Variants in GLRA3 observed in about 807,000 individuals in gnomAD.
The protein encoded by GLRA3 is glycine receptor subunit alpha-3.
A neutral mutation model predicts 60.4 loss-of-function variants in GLRA3; 44 were observed. That is an observed-to-expected ratio of 0.73 (90% CI 0.57 to 0.94). The LOEUF (loss-of-function observed/expected upper bound fraction) is 0.94. Ranked by LOEUF, GLRA3 falls within the 40% of genes least tolerant of loss-of-function variation. GLRA3 has a pLI of 0.00. For synonymous variants in GLRA3, 223 were observed against 192.9 expected (o/e 1.16, Z -1.29); for missense variants, 508 against 564.6 (o/e 0.90, Z 1.02).
intron 4 of GLRA3, among the ~76,000 whole-genome samples, chr4:174,719,702 G>T (rs928698631): frequency 6.6e-6 from 1 of 151,682 alleles, no homozygotes; most frequent in African/African-American, 2.4e-5. Flanking sequence ...ATTGTCATCT[G>T]ATCATAGAGA....
chr4:174,724,741 A>G (rs924416185), intron 4 of GLRA3, among the ~76,000 whole-genome samples: 1 of 152,044 alleles, frequency 6.6e-6, no homozygotes, highest in Non-Finnish European at 1.5e-5. Flanking sequence ...CCTTTATCCA[A>G]GAATGTTTTG....
rs1732634906 is a variant in GLRA3, at chr4:174,641,980, A to AT, written c.*1805dup. Reference sequence around the variant, plus strand: ...CACCAAATGAAGAAGCATATGTTTAATTTTCAGGTGCACAGTCCTCAACGT... The same window carrying AT: ...CACCAAATGAAGAAGCATATGTTTAATTTTTCAGGTGCACAGTCCTCAACGT... On this transcript the variant is annotated 3_prime_UTR_variant, in exon 10 of 10. Transcript: ENST00000274093. 5.9e-6 allele frequency: 1 copy of AT among 170,348 alleles called. No individual in the cohort carries two copies. Among genetic ancestry groups the AT allele is most frequent in the South Asian group, 2.0e-4 (1 of 5,096 alleles). The allele number at this position is 170,348 out of a possible 1,614,324, so 10.6% of individuals were successfully genotyped here.
chr4:174,772,384 AT>A (rs1003234562), intron 2 of GLRA3, among the ~76,000 whole-genome samples: 1 of 152,186 alleles, frequency 6.6e-6, no homozygotes, highest in African/African-American at 2.4e-5. Context: ...CCTAAACTTT[AT>A]TCTCCACCTG....
chr4:174,822,147 C>T (rs534041716), intron 1 of GLRA3, among the ~76,000 whole-genome samples: 1 of 152,162 alleles, frequency 6.6e-6, no homozygotes, highest in South Asian at 2.1e-4. Context: ...CACAGTGATA[C>T]AGTGTTAAAA....
At chr4:174,767,065 AGACT>A in intron 2 of GLRA3, 35 bp from the exon 3 acceptor site, 2 of 1,121,446 alleles carry the variant, frequency 1.8e-6, no homozygotes, top group Non-Finnish European at 2.7e-6. Context: ...GGCTGTTTAG[AGACT>A]TATCTAAAAC....
chr4:174,782,313 T>C (rs1738914899), intron 2 of GLRA3, among the ~76,000 whole-genome samples: 1 of 151,964 alleles, frequency 6.6e-6, no homozygotes, highest in Non-Finnish European at 1.5e-5. Context: ...TCATGGGACG[T>C]ATTTCAAAAT....
Position 174,828,243 on chromosome 4 carries a change from G to A in GLRA3, c.71+498C>T, listed in dbSNP as rs541962518. On this transcript the variant is annotated intron_variant, in intron 1 of 9. Transcript: ENST00000274093. ...ACCTGAGCTAGGTCATTAGAAAATA[G>A]TACTTGCAAGGCCCTTATTTTGATT... Among the ~76,000 whole-genome samples, 42 of 152,100 alleles carry A rather than the reference G, an allele frequency of 2.8e-4. No homozygotes were observed. The Middle Eastern group carries it at 0.01, about 37-fold the overall frequency.
chr4:174,677,939 T>C (rs1734194259), intron 6 of GLRA3, among the ~76,000 whole-genome samples: 2 of 152,302 alleles, frequency 1.3e-5, no homozygotes, highest in Admixed American at 1.3e-4. Context: ...ATAAAGATCT[T>C]CTTTACTCAT....
chr4:174,664,896 G>T (rs1733594364), intron 7 of GLRA3, among the ~76,000 whole-genome samples: 1 of 152,100 alleles, frequency 6.6e-6, no homozygotes, highest in African/African-American at 2.4e-5. Flanking sequence ...TCTGTTGTTA[G>T]GTGTTACAGG....
intron 3 of GLRA3, among the ~76,000 whole-genome samples, chr4:174,740,239 A>G (rs1736963766): frequency 6.6e-6 from 1 of 152,192 alleles, no homozygotes; most frequent in Admixed American, 6.5e-5. Context: ...TAGAAGGCCG[A>G]CTGTGTCAGA....
At chr4:174,733,960 C>T (rs1736664861) in intron 3 of GLRA3, among the ~76,000 whole-genome samples, 1 of 152,074 alleles carries the variant, frequency 6.6e-6, no homozygotes, top group Non-Finnish European at 1.5e-5. Flanking sequence ...TCTTTTTGAA[C>T]TGATTTGCAT....
intron 3 of GLRA3, among the ~76,000 whole-genome samples, chr4:174,759,561 C>G (rs1431694507): frequency 6.6e-6 from 1 of 152,002 alleles, no homozygotes; most frequent in Non-Finnish European, 1.5e-5. Context: ...TGGAATTTGA[C>G]AAGATAATTC....
intron 3 of GLRA3, among the ~76,000 whole-genome samples, chr4:174,730,401 C>A (rs1313756454): frequency 2.0e-5 from 3 of 152,102 alleles, no homozygotes; most frequent in African/African-American, 7.2e-5. Flanking sequence ...TGAACAAGGT[C>A]AAGTTATAAT....
At chr4:174,652,740 A>T (rs1733067120) in intron 9 of GLRA3, among the ~76,000 whole-genome samples, 1 of 152,162 alleles carries the variant, frequency 6.6e-6, no homozygotes, top group Admixed American at 6.6e-5. Context: ...GGGTGCATAC[A>T]GTCATTGAAT....
intron 1 of GLRA3, among the ~76,000 whole-genome samples, chr4:174,820,594 G>T (rs182758594): frequency 6.6e-6 from 1 of 152,238 alleles, no homozygotes; most frequent in African/African-American, 2.4e-5. Flanking sequence ...GAGACCAGAG[G>T]CTTCTTAGAG....
intron 5 of GLRA3, 94 bp from the exon 6 acceptor site, chr4:174,683,033 C>T (rs564026900): frequency 1.1e-6 from 1 of 923,988 alleles, no homozygotes; most frequent in East Asian, 2.4e-5. Flanking sequence ...GATGAGAAGA[C>T]CAAACAGTGT....
chr4:174,806,816 A>G (rs1740070971), intron 1 of GLRA3, among the ~76,000 whole-genome samples: 1 of 152,002 alleles, frequency 6.6e-6, no homozygotes, highest in Non-Finnish European at 1.5e-5. Flanking sequence ...ATATATTTCT[A>G]TAGACACCCA....
intron 3 of GLRA3, among the ~76,000 whole-genome samples, chr4:174,756,883 T>A (rs1737727813): frequency 6.6e-6 from 1 of 152,142 alleles, no homozygotes; most frequent in Non-Finnish European, 1.5e-5. Flanking sequence ...CCTGACCTCG[T>A]GATCCACCCG....
rs1055341076 is a variant in GLRA3, at chr4:174,641,269, C to T, written c.*2517G>A. ...TATGCACACATTTTTAATTTCTTGCCATTAATAATTTTGTGGTTGGTTTAA... is the reference window on the plus strand; with the variant it reads ...TATGCACACATTTTTAATTTCTTGCTATTAATAATTTTGTGGTTGGTTTAA... On this transcript the variant is annotated 3_prime_UTR_variant, in exon 10 of 10. Coordinates refer to ENST00000274093, the MANE Select transcript of GLRA3 (RefSeq NM_006529.4). 1 of 151,894 alleles carries T rather than the reference C, an allele frequency of 6.6e-6. No individual in the cohort carries two copies. Among genetic ancestry groups the T allele is most frequent in the African/African-American group, 2.4e-5 (1 of 41,368 alleles). The allele number at this position is 151,894 out of a possible 1,614,324, so 9.4% of individuals were successfully genotyped here. A position where few individuals can be genotyped will look rare whatever the true frequency, so the allele number is the denominator to read the frequency against.
Sources: allele counts gnomAD v4.1 joint callset (sites outside exome capture counted in the v4.1 genomes callset), GRCh38; gene constraint gnomAD v4.1.1; transcripts MANE v1.5; gene names NCBI Gene and HGNC (gene_info 2026-07-23, HGNC 2026-07-21).